ZNHIT6: variants seen among roughly 807,000 people sequenced by gnomAD.
The protein encoded by ZNHIT6 is box C/D snoRNA protein 1.
Under a neutral mutation model 57.2 loss-of-function variants are expected in ZNHIT6, and 45 were observed. That is an observed-to-expected ratio of 0.79 (90% CI 0.62 to 1.01). The LOEUF (loss-of-function observed/expected upper bound fraction) is 1.01, where lower values mean the gene tolerates loss of function less well. Ranked by LOEUF, ZNHIT6 falls within the 50% of genes least tolerant of loss-of-function variation. The pLI is 0.00. For synonymous variants in ZNHIT6, 188 were observed against 190.0 expected, an observed-to-expected ratio of 0.99 and a Z score of 0.09; for missense variants, 528 against 567.3, an observed-to-expected ratio of 0.93 and a Z score of 0.70.
At chr1:85,695,653 G>A (rs929143924) in intron 5 of ZNHIT6, among the ~76,000 whole-genome samples, 1 of 152,240 alleles carries the variant, frequency 6.6e-6, no homozygotes, top group Non-Finnish European at 1.5e-5. Flanking sequence ...CTTAAAGAAA[G>A]TTCAGCAAGA....
At chr1:85,684,018 A>G (rs938124636) in intron 5 of ZNHIT6, among the ~76,000 whole-genome samples, 13 of 152,198 alleles carry the variant, frequency 8.5e-5, no homozygotes, top group South Asian at 2.1e-4. Context: ...CCACAAGGAT[A>G]AAGGTTTGAA....
At chr1:85,697,938 C>T (rs759400609) in intron 5 of ZNHIT6, among the ~76,000 whole-genome samples, 2 of 152,020 alleles carry the variant, frequency 1.3e-5, no homozygotes, top group African/African-American at 2.4e-5. Flanking sequence ...TGAAAGTGAA[C>T]ATAAAGCTAT....
In ZNHIT6 at chr1:85,708,420, T is replaced by A; in HGVS notation, c.-136A>T. On this transcript the variant is annotated 5_prime_UTR_variant, in exon 1 of 10. Coordinates refer to ENST00000370574, the MANE Select transcript of ZNHIT6 (RefSeq NM_017953.4). ...AAGCAGCCACAAACCCGGAATAGCCTGCTTGACGCGACTGCTCGAATCGCC... is the reference window on the plus strand; with the variant it reads ...AAGCAGCCACAAACCCGGAATAGCCAGCTTGACGCGACTGCTCGAATCGCC... The A allele has an allele frequency of 8.9e-7, 1 of 1,126,222 alleles. No individual in the cohort carries two copies. Among genetic ancestry groups the A allele is most frequent in the Non-Finnish European group, 1.2e-6 (1 of 809,730 alleles). The allele number at this position is 1,126,222 out of a possible 1,614,324, so 69.8% of individuals were successfully genotyped here.
At position 85,684,096 on chromosome 1, in the gene ZNHIT6, A is replaced by G. The variant is rs571154323; in HGVS notation, c.1020-3192T>C. 1.3e-4 allele frequency among the ~76,000 whole-genome samples: 20 copies of G among 152,310 alleles called. No homozygotes were observed. In the South Asian group the frequency reaches 3.9e-3, roughly 30 times the overall value. ...AATTCAACAAAATGCCTTCAACTAC[A>G]ATAATGTCACTATACCCTTGGCATA... On this transcript the variant is annotated intron_variant, in intron 5 of 9. Coordinates refer to ENST00000370574, the MANE Select transcript of ZNHIT6 (RefSeq NM_017953.4).
At chr1:85,660,001 G>A (rs1661180651) in intron 8 of ZNHIT6, among the ~76,000 whole-genome samples, 2 of 152,126 alleles carry the variant, frequency 1.3e-5, no homozygotes, top group African/African-American at 4.8e-5. Context: ...TTCCCTGTGT[G>A]TAATGTAATA....
chr1:85,661,595 C>A (rs889904388), intron 8 of ZNHIT6, among the ~76,000 whole-genome samples: 1 of 152,166 alleles, frequency 6.6e-6, no homozygotes, highest in African/African-American at 2.4e-5. Flanking sequence ...ACCTTCAAAT[C>A]ATTATTTTAT....
chr1:85,667,961 A>AAAAAAAAAAAAAAATGTATAT lies in ZNHIT6; in HGVS notation c.1247+9274_1247+9275insATATACATTTTTTTTTTTTTT. Among the ~76,000 whole-genome samples the AAAAAAAAAAAAAAATGTATAT allele has an allele frequency of 1.6e-4, 3 of 18,202 alleles. 1 individual carries two copies. Among genetic ancestry groups the AAAAAAAAAAAAAAATGTATAT allele is most frequent in the Non-Finnish European group, 3.0e-4 (3 of 10,106 alleles). 11.9% of individuals were successfully genotyped at this position (18,202 alleles called of 152,430 possible). A position where few individuals can be genotyped will look rare whatever the true frequency, so the allele number is the denominator to read the frequency against. On this transcript the variant is annotated intron_variant, in intron 8 of 9. Coordinates refer to ENST00000370574, the MANE Select transcript of ZNHIT6 (RefSeq NM_017953.4). ...ACTCTCTCTTTCAAAAAAAAAAAAAAATATATATATATATATATATATATG... is the reference window on the plus strand; with the variant it reads ...ACTCTCTCTTTCAAAAAAAAAAAAAAAAAAAAAAAAAAAATGTATATATATATATATATATATATATATATG...
intron 4 of ZNHIT6, among the ~76,000 whole-genome samples, chr1:85,703,054 T>C (rs191669236): frequency 6.0e-4 from 91 of 152,286 alleles, no homozygotes; most frequent in African/African-American, 2.1e-3. Context: ...ATTGGCTAAG[T>C]AGGAAACTGT....
intron 5 of ZNHIT6, among the ~76,000 whole-genome samples, chr1:85,684,409 G>A (rs1468651801): frequency 5.3e-5 from 8 of 152,136 alleles, no homozygotes; most frequent in Non-Finnish European, 1.0e-4. Context: ...CCCAAAGAGG[G>A]CAAAAACTGG....
intron 5 of ZNHIT6, among the ~76,000 whole-genome samples, chr1:85,694,875 G>C (rs933267811): frequency 9.2e-5 from 14 of 152,146 alleles, no homozygotes; most frequent in African/African-American, 3.4e-4. Context: ...ATTCCCATAG[G>C]GGGCAGTAAA....
intron 5 of ZNHIT6, among the ~76,000 whole-genome samples, chr1:85,694,255 A>G (rs553931432): frequency 1.3e-5 from 2 of 152,316 alleles, no homozygotes; most frequent in East Asian, 3.9e-4. Flanking sequence ...AATGCAAACT[A>G]CGGAACTCTA....
chr1:85,675,583 C>G lies in ZNHIT6; in HGVS notation c.1247+1653G>C, dbSNP rs565917079. Among the ~76,000 whole-genome samples, 63 of 152,282 alleles carry G rather than the reference C, an allele frequency of 4.1e-4. No individual in the cohort carries two copies. The East Asian group carries it at 9.1e-3, about 22-fold the overall frequency. ...AATGGTAAATGATCACTGGCTTCAA[C>G]TTTAAGTCCCCAGCTGCATTAGCCC... On this transcript the variant is annotated intron_variant, in intron 8 of 9. Transcript: ENST00000370574.
intron 5 of ZNHIT6, among the ~76,000 whole-genome samples, chr1:85,682,129 T>C (rs1290221070): frequency 6.7e-6 from 1 of 150,248 alleles, no homozygotes; most frequent in Non-Finnish European, 1.5e-5. Flanking sequence ...TTCTCCTGCC[T>C]CTCTCCTGAA....
chr1:85,698,933 T>C (rs1432921246), intron 5 of ZNHIT6, among the ~76,000 whole-genome samples: 1 of 152,130 alleles, frequency 6.6e-6, no homozygotes, highest in Non-Finnish European at 1.5e-5. Flanking sequence ...TGTCACTGTA[T>C]ATTATTTAGT....
rs778237165 is a variant in ZNHIT6 at position 85,654,081 on chromosome 1, T to C, written c.1390A>G (p.Lys464Glu). ...GCTCAATTTTCATTGCCAACGTTCTTGGTAGATTCACTCTTCACTAGAAAA... is the reference window on the plus strand; with the variant it reads ...GCTCAATTTTCATTGCCAACGTTCTCGGTAGATTCACTCTTCACTAGAAAA... ...VLHQVKSEST[K>E]NVGNEN is the part of the protein sequence containing the mutation. The change falls in exon 10 of 10, where the codon AAG (lysine) becomes GAG (glutamate). Residue 464 changes from lysine (K) to glutamate (E), a missense_variant. Lys to Glu is a moderately conservative substitution (Grantham distance 56). Coordinates refer to ENST00000370574, the MANE Select transcript of ZNHIT6 (RefSeq NM_017953.4). 1.9e-6 allele frequency: 3 copies of C among 1,612,426 alleles called. No homozygotes were observed. Among genetic ancestry groups the C allele is most frequent in the Non-Finnish European group, 1.7e-6 (2 of 1,179,360 alleles).
rs960784200 is a variant in ZNHIT6, at chr1:85,682,164, A to G, written c.1020-1260T>C. 2.0e-5 allele frequency among the ~76,000 whole-genome samples: 3 copies of G among 147,558 alleles called. No homozygotes were observed. In the Admixed American group the frequency reaches 2.1e-4, roughly 10 times the overall value. On this transcript the variant is annotated intron_variant, in intron 5 of 9. Transcript: ENST00000370574. ...ATAGCTGGGACTACAGGTGCTCGCCACCACGCCCGGCTAATTTTTTTTTTT... is the reference window on the plus strand; with the variant it reads ...ATAGCTGGGACTACAGGTGCTCGCCGCCACGCCCGGCTAATTTTTTTTTTT...
Position 85,677,290 on chromosome 1 carries a change from T to A in ZNHIT6, c.1193A>T (p.Gln398Leu). The A allele has an allele frequency of 6.2e-7, 1 of 1,608,524 alleles. No individual in the cohort carries two copies. Among genetic ancestry groups the A allele is most frequent in the Admixed American group, 1.7e-5 (1 of 58,788 alleles). Residue 398 changes from glutamine to leucine, a missense_variant, in exon 8 of 10, where the codon CAG (glutamine) becomes CTG (leucine). Gln to Leu is a moderately radical substitution (Grantham distance 113). Coordinates refer to ENST00000370574, the MANE Select transcript of ZNHIT6 (RefSeq NM_017953.4). ...CTTCATTAAAATCTGAACCCCAGTC[T>A]GAGAGCGAATGTAGGCTTTCAACCT... The part of the protein sequence containing the change: ...RQRLKAYIRS[Q>L]TGVQILMKIE...
chr1:85,661,376 G>C (rs571878654), intron 8 of ZNHIT6, among the ~76,000 whole-genome samples: 1 of 152,230 alleles, frequency 6.6e-6, no homozygotes, highest in Non-Finnish European at 1.5e-5. Flanking sequence ...GTTACTGTGA[G>C]GGCTAAATGA....
chr1:85,667,947 C>CA (rs1156795211), intron 8 of ZNHIT6, among the ~76,000 whole-genome samples: 307 of 9,266 alleles, frequency 0.033, 78 homozygotes, highest in Non-Finnish European at 0.053. Context: ...CTCTCTCTTT[C>CA]AAAAAAAAAA....
Sources: allele counts gnomAD v4.1 joint callset (sites outside exome capture counted in the v4.1 genomes callset), GRCh38; gene constraint gnomAD v4.1.1; transcripts MANE v1.5; gene names NCBI Gene and HGNC (gene_info 2026-07-23, HGNC 2026-07-21).